CTIF: variants seen among roughly 807,000 people sequenced by gnomAD.
CTIF encodes the protein cap binding complex dependent translation initiation factor, also known as CBP80/20-dependent translation initiation factor.
Under a neutral mutation model 66.0 loss-of-function variants are expected in CTIF, and 21 were observed. That is an observed-to-expected ratio of 0.32 (90% CI 0.23 to 0.46). The LOEUF is 0.46. CTIF is among the 20% of genes least tolerant of loss of function. CTIF has a pLI of 1.00. For synonymous variants in CTIF, 345 were observed against 326.4 expected (o/e 1.06, Z -0.62); for missense variants, 739 against 812.7 (o/e 0.91, Z 1.10).
At chr18:48,641,093 C>T (rs544792883) in intron 3 of CTIF, among the ~76,000 whole-genome samples, 3 of 152,148 alleles carry the variant, frequency 2.0e-5, no homozygotes, top group Admixed American at 6.5e-5. Context: ...TTAGTTAGGA[C>T]GTCAGACGTT....
intron 6 of CTIF, among the ~76,000 whole-genome samples, chr18:48,702,269 C>T (rs1422751764): frequency 6.6e-6 from 1 of 152,218 alleles, no homozygotes; most frequent in African/African-American, 2.4e-5. Context: ...AAGTCTTGCC[C>T]ATTCCAGCGA....
At chr18:48,664,356 G>A in intron 4 of CTIF, 91 bp from the exon 5 acceptor site, 1 of 1,167,992 alleles carries the variant, frequency 8.6e-7, no homozygotes, top group Non-Finnish European at 1.3e-6. Flanking sequence ...CTGCGGATCT[G>A]CTCTGCCAGG....
chr18:48,790,831 T>A (rs1295148077), intron 9 of CTIF, among the ~76,000 whole-genome samples: 1 of 152,202 alleles, frequency 6.6e-6, no homozygotes, highest in Non-Finnish European at 1.5e-5. Flanking sequence ...CACCTCGTGC[T>A]GGGGAACACG....
intron 1 of CTIF, among the ~76,000 whole-genome samples, chr18:48,570,907 G>C (rs1357270673): frequency 6.6e-6 from 1 of 152,116 alleles, no homozygotes; most frequent in Non-Finnish European, 1.5e-5. Flanking sequence ...CCTTGTCCCA[G>C]GATTTTCTTT....
chr18:48,544,044 C>T lies in CTIF; in HGVS notation c.-29+4732C>T, dbSNP rs149375123. 7.0e-3 allele frequency among the ~76,000 whole-genome samples: 1,062 copies of T among 152,180 alleles called. 18 individuals carry two copies. Among genetic ancestry groups the T allele is most frequent in the Admixed American group, 0.033 (507 of 15,296 alleles). On this transcript the variant is annotated intron_variant, in intron 1 of 11. Coordinates refer to ENST00000256413, the MANE Select transcript of CTIF (RefSeq NM_014772.3). ...GGCCCTGAGGCAGGGTCCTCAGGAA[C>T]CTTTTGGAAGTGTTTGCAAAGCTGG...
chr18:48,693,747 C>T (rs985337481), intron 6 of CTIF, among the ~76,000 whole-genome samples: 12 of 152,238 alleles, frequency 7.9e-5, no homozygotes, highest in African/African-American at 2.9e-4. Context: ...CGCGCCAAGT[C>T]CAGCCCTCCA....
At chr18:48,775,213 T>A (rs1210831510) in intron 9 of CTIF, among the ~76,000 whole-genome samples, 1 of 152,126 alleles carries the variant, frequency 6.6e-6, no homozygotes, top group Non-Finnish European at 1.5e-5. Context: ...TTAAATGGGG[T>A]CATAATACCC....
At chr18:48,596,218 T>A (rs1403608335) in intron 1 of CTIF, among the ~76,000 whole-genome samples, 1 of 152,200 alleles carries the variant, frequency 6.6e-6, no homozygotes, top group Non-Finnish European at 1.5e-5. Flanking sequence ...CATACTCCTT[T>A]ATTTCTTTCT....
At chr18:48,792,820 C>T (rs1015774607) in intron 9 of CTIF, among the ~76,000 whole-genome samples, 1 of 152,144 alleles carries the variant, frequency 6.6e-6, no homozygotes, top group Admixed American at 6.5e-5. Context: ...CAGGAGCTCA[C>T]TATTGGACAT....
chr18:48,717,643 T>C (rs980245868), intron 7 of CTIF, among the ~76,000 whole-genome samples: 5 of 152,092 alleles, frequency 3.3e-5, no homozygotes, highest in Admixed American at 3.3e-4. Context: ...TTTTGTACTG[T>C]GTGAATTATA....
chr18:48,735,782 CCTGGGT>C (rs938552101), intron 7 of CTIF, among the ~76,000 whole-genome samples: 6 of 152,296 alleles, frequency 3.9e-5, no homozygotes, highest in African/African-American at 9.6e-5. Context: ...CCCAAAGGTG[CCTGGGT>C]CTGGTGAGAA....
intron 9 of CTIF, among the ~76,000 whole-genome samples, chr18:48,798,188 T>G (rs2067971417): frequency 1.3e-5 from 2 of 152,306 alleles, no homozygotes; most frequent in South Asian, 4.1e-4. Flanking sequence ...TTTGTTAACG[T>G]CATCTGGTAA....
intron 1 of CTIF, among the ~76,000 whole-genome samples, chr18:48,610,424 C>CCCACCTGGATGT (rs2090286270): frequency 7.4e-6 from 1 of 134,380 alleles, no homozygotes; most frequent in Non-Finnish European, 1.6e-5. Flanking sequence ...CACCTGGATG[C>CCCACCTGGATGT]CCACCTGGAT....
chr18:48,602,873 G>A (rs1016844929), intron 1 of CTIF, among the ~76,000 whole-genome samples: 5 of 150,982 alleles, frequency 3.3e-5, no homozygotes, highest in African/African-American at 1.2e-4. Flanking sequence ...ATGGATGGAT[G>A]GATGGATGGA....
intron 3 of CTIF, among the ~76,000 whole-genome samples, chr18:48,642,825 C>T (rs888079876): frequency 6.6e-6 from 1 of 152,130 alleles, no homozygotes; most frequent in African/African-American, 2.4e-5. Context: ...GGGGCAGTTC[C>T]GTTTTAACCA....
At chr18:48,614,131 C>T (rs1017437043) in intron 1 of CTIF, among the ~76,000 whole-genome samples, 2 of 152,156 alleles carry the variant, frequency 1.3e-5, no homozygotes, top group Non-Finnish European at 2.9e-5. Context: ...CTGGCTGGCT[C>T]TCTCAGCTTA....
rs1459512161 is a variant in CTIF at position 48,777,178 on chromosome 18, A to G, written c.1371+15489A>G. Reference sequence around the variant, plus strand: ...GGCTCCTTCCCACCCGCCTGGCCCCATTTACAGAGTCTGGGGCCTGCTTGG... The same window carrying G: ...GGCTCCTTCCCACCCGCCTGGCCCCGTTTACAGAGTCTGGGGCCTGCTTGG... On this transcript the variant is annotated intron_variant, in intron 9 of 11. Coordinates refer to ENST00000256413, the MANE Select transcript of CTIF (RefSeq NM_014772.3). 3.3e-5 allele frequency among the ~76,000 whole-genome samples: 5 copies of G among 152,016 alleles called. No individual in the cohort carries two copies. The East Asian group carries it at 9.7e-4, about 29-fold the overall frequency.
At chr18:48,832,766 A>T (rs1416918875) in intron 10 of CTIF, among the ~76,000 whole-genome samples, 3 of 152,268 alleles carry the variant, frequency 2.0e-5, no homozygotes, top group Non-Finnish European at 4.4e-5. Context: ...AGCCAGACTT[A>T]GGAAACGCAA....
At chr18:48,701,788 T>C (rs2092088287) in intron 6 of CTIF, among the ~76,000 whole-genome samples, 1 of 152,236 alleles carries the variant, frequency 6.6e-6, no homozygotes, top group African/African-American at 2.4e-5. Flanking sequence ...TGACATTGCC[T>C]GGTAGATTCC....
Sources: allele counts gnomAD v4.1 joint callset (sites outside exome capture counted in the v4.1 genomes callset), GRCh38; gene constraint gnomAD v4.1.1; transcripts MANE v1.5; gene names NCBI Gene and HGNC (gene_info 2026-07-23, HGNC 2026-07-21).